The following DMD variants were observed in gnomAD, a reference collection of about 807,000 sequenced individuals.
The protein encoded by DMD is dystrophin.
A neutral mutation model predicts 330.1 loss-of-function variants in DMD; 63 were observed. That is an observed-to-expected ratio of 0.19 (90% CI 0.16 to 0.24). The LOEUF (loss-of-function observed/expected upper bound fraction) is 0.24. Ranked by LOEUF, DMD falls within the 10% of genes least tolerant of loss-of-function variation. The pLI is 1.00. For synonymous variants in DMD, 1,223 were observed against 959.8 expected (o/e 1.27, Z -5.07); for missense variants, 3,344 against 2,684.1 (o/e 1.25, Z -5.43).
chrX:32,038,996 T>C (rs1289860827), intron 44 of DMD, among the ~76,000 whole-genome samples: 1 of 111,216 alleles, frequency 9.0e-6, no homozygotes, highest in Non-Finnish European at 1.9e-5. Flanking sequence ...TGGGCATAGA[T>C]ATGTCTGTGT....
chrX:32,532,903 A>G (rs1024885884), intron 17 of DMD, among the ~76,000 whole-genome samples: 7 of 112,264 alleles, frequency 6.2e-5, no homozygotes, highest in African/African-American at 2.3e-4. Context: ...CGGAATCCCC[A>G]AAGTATGTTC....
At chrX:31,725,896 G>C (rs771314826) in intron 52 of DMD, among the ~76,000 whole-genome samples, 4 of 112,288 alleles carry the variant, frequency 3.6e-5, no homozygotes, top group Admixed American at 9.4e-5. Context: ...AGGTATTATG[G>C]TATTATGCCT....
chrX:33,309,650 T>G (rs966815906), intron 1 of DMD, among the ~76,000 whole-genome samples: 10 of 110,925 alleles, frequency 9.0e-5, no homozygotes, highest in Admixed American at 2.9e-4. Flanking sequence ...ACTTAAAAAA[T>G]AATAAAGGTG....
At chrX:32,558,938 CTTTTTTTTTTTTTTTTTT>C (rs60739281) in intron 16 of DMD, among the ~76,000 whole-genome samples, 717 of 50,841 alleles carry the variant, frequency 0.014, 14 homozygotes, top group African/African-American at 0.059. Context: ...TTCAAATTTT[CTTTTTTTTTTTTTTTTTT>C]TTTTTTTTTT....
At chrX:32,089,214 C>A (rs978415150) in intron 44 of DMD, among the ~76,000 whole-genome samples, 14 of 111,050 alleles carry the variant, frequency 1.3e-4, no homozygotes, top group African/African-American at 3.3e-4. Flanking sequence ...CCCCATCTCA[C>A]CTCCTCAGAA....
At chrX:32,651,659 C>G (rs889736581) in intron 9 of DMD, among the ~76,000 whole-genome samples, 5 of 111,232 alleles carry the variant, frequency 4.5e-5, no homozygotes, top group Non-Finnish European at 7.5e-5. Flanking sequence ...TGGGACACAG[C>G]CCAGATGGTA....
chrX:31,553,073 G>A (rs1252626116), intron 55 of DMD, among the ~76,000 whole-genome samples: 1 of 111,487 alleles, frequency 9.0e-6, no homozygotes, highest in Non-Finnish European at 1.9e-5. Context: ...TCAAGGGCCG[G>A]CAACATCCCC....
At chrX:32,895,119 C>G (rs149820280) in intron 2 of DMD, among the ~76,000 whole-genome samples, 2 of 111,677 alleles carry the variant, frequency 1.8e-5, no homozygotes, top group African/African-American at 6.5e-5. Flanking sequence ...GGATCAGAGC[C>G]CCACCTGCAT....
At chrX:32,252,898 A>AG (rs1445610634) in intron 43 of DMD, among the ~76,000 whole-genome samples, 1 of 82,313 alleles carries the variant, frequency 1.2e-5, no homozygotes, top group Non-Finnish European at 2.2e-5. Flanking sequence ...AAATATATAT[A>AG]AATATATACA....
At chrX:32,748,338 T>A (rs1239950010) in intron 7 of DMD, among the ~76,000 whole-genome samples, 4 of 84,040 alleles carry the variant, frequency 4.8e-5, no homozygotes, top group African/African-American at 2.0e-4. Context: ...AGAACAAGAC[T>A]CCGTCTCAAA....
intron 1 of DMD, among the ~76,000 whole-genome samples, chrX:33,181,006 T>C (rs2049972793): frequency 1.8e-5 from 2 of 110,249 alleles, no homozygotes; most frequent in Admixed American, 9.7e-5. Flanking sequence ...ACTTTTTTTT[T>C]TCTTAAACTG....
At chrX:32,189,879 G>A (rs1429102622) in intron 44 of DMD, among the ~76,000 whole-genome samples, 1 of 110,740 alleles carries the variant, frequency 9.0e-6, no homozygotes, top group Non-Finnish European at 1.9e-5. Flanking sequence ...GTATTGTTTT[G>A]TTACATTTTT....
chrX:32,729,398 G>A (rs1440880607), intron 7 of DMD, among the ~76,000 whole-genome samples: 1 of 111,904 alleles, frequency 8.9e-6, no homozygotes, highest in Non-Finnish European at 1.9e-5. Context: ...AACCATTAAT[G>A]TAGCACTTCA....
At chrX:31,553,324 C>A (rs1363464241) in intron 55 of DMD, among the ~76,000 whole-genome samples, 3 of 112,308 alleles carry the variant, frequency 2.7e-5, no homozygotes, top group African/African-American at 9.7e-5. Flanking sequence ...CTGGGCAGAT[C>A]TAGCATTTGA....
At chrX:32,812,359 G>A (rs764086984) in intron 6 of DMD, among the ~76,000 whole-genome samples, 9 of 112,397 alleles carry the variant, frequency 8.0e-5, no homozygotes, top group Non-Finnish European at 7.5e-5. Flanking sequence ...TTGGCCAGGC[G>A]CAGTGGCTCC....
chrX:32,482,851 C>T (rs1434614168), intron 21 of DMD, among the ~76,000 whole-genome samples: 1 of 109,251 alleles, frequency 9.2e-6, no homozygotes, highest in Non-Finnish European at 1.9e-5. Flanking sequence ...CTACCAATTC[C>T]TTATGCCATT....
rs748786108 is a variant in DMD at position 31,836,709 on chromosome X, C to T, written c.7200+9G>A. 31 of 1,195,964 alleles carry T rather than the reference C, an allele frequency of 2.6e-5. No homozygotes were observed. The highest frequency in any genetic ancestry group is 3.3e-5 in the Non-Finnish European group (29 of 882,346). On this transcript the variant is annotated intron_variant, in intron 49 of 78. Transcript: ENST00000357033. ...AGGTAATGGATATTGCTAGAGGTTG[C>T]TTCATTACCTTCACTGGCTGAGTGG...
chrX:33,149,865 C>A (rs1173099329), intron 1 of DMD, among the ~76,000 whole-genome samples: 1 of 111,258 alleles, frequency 9.0e-6, no homozygotes, highest in Admixed American at 9.6e-5. Context: ...AATTTATGAC[C>A]CACAAAATCA....
chrX:33,296,690 A>G (rs369374356), intron 1 of DMD, among the ~76,000 whole-genome samples: 1 of 111,058 alleles, frequency 9.0e-6, no homozygotes, highest in East Asian at 2.8e-4. Flanking sequence ...GCTAGACACA[A>G]TGATATGTTT....
Sources: allele counts gnomAD v4.1 joint callset (sites outside exome capture counted in the v4.1 genomes callset), GRCh38; gene constraint gnomAD v4.1.1; transcripts MANE v1.5; gene names NCBI Gene and HGNC (gene_info 2026-07-23, HGNC 2026-07-21).